Variants in CFL2 observed in about 807,000 individuals in gnomAD.
CFL2 encodes cofilin 2, also known as cofilin-2.
Under a neutral mutation model 19.6 loss-of-function variants are expected in CFL2, and 10 were observed. The observed-to-expected ratio is 0.51, with a 90% confidence interval of 0.31 to 0.86. The LOEUF is 0.86. Ranked by LOEUF, CFL2 falls within the 40% of genes least tolerant of loss-of-function variation. The pLI, the probability that CFL2 is intolerant of heterozygous loss-of-function variation, is 0.04. For missense variants in CFL2, 125 were observed against 192.1 expected (o/e 0.65, Z 2.06); for synonymous variants, 63 against 66.7 (o/e 0.95, Z 0.27).
At position 34,713,297 on chromosome 14, in the gene CFL2, C is replaced by T. The variant is rs879148457; in HGVS notation, c.268G>A (p.Glu90Lys). The T allele has an allele frequency of 6.2e-7, 1 of 1,613,186 alleles. No homozygotes were observed. The highest frequency in any genetic ancestry group is 8.5e-7 in the Non-Finnish European group (1 of 1,179,768). The change falls in exon 2 of 4, where the codon GAA becomes AAA. Residue 90 changes from glutamate (E) to lysine (K), a missense_variant. By Grantham distance (56) the Glu-to-Lys change is moderately conservative. Transcript: ENST00000298159. Reference protein sequence around the residue: ...CRYALYDATYETKESKKEDLV... With the variant: ...CRYALYDATYKTKESKKEDLV... ...TCTTCTTTCTTAGACTCTTTTGTTTCGTATGTGGCATCGTACAAAGCATAT... is the reference window on the plus strand; with the variant it reads ...TCTTCTTTCTTAGACTCTTTTGTTTTGTATGTGGCATCGTACAAAGCATAT...
rs780426319 is a variant in CFL2, at chr14:34,714,569, G to A, written c.-29C>T. The A allele has an allele frequency of 3.2e-6, 5 of 1,570,402 alleles. No individual in the cohort carries two copies. The highest frequency in any genetic ancestry group is 1.1e-5 in the South Asian group (1 of 87,378). On this transcript the variant is annotated 5_prime_UTR_variant, in exon 1 of 4. Coordinates refer to ENST00000298159, the MANE Select transcript of CFL2 (RefSeq NM_138638.5). ...GCCCTCGGCTGTGGCTGCGGCGGCA[G>A]CTCGGGCTTCGGCTCTGTGGCACTG...
Position 34,712,265 on chromosome 14 carries a change from G to A in CFL2, c.*600C>T, listed in dbSNP as rs1319912724. On this transcript the variant is annotated 3_prime_UTR_variant, in exon 4 of 4. Transcript: ENST00000298159. Reference sequence around the variant, plus strand: ...TTTTAAGAAGATATGCAGGTAACAGGAATGAACACTGAGGTACTAGGATAA... The same window carrying A: ...TTTTAAGAAGATATGCAGGTAACAGAAATGAACACTGAGGTACTAGGATAA... 2 of 454,406 alleles carry A rather than the reference G, an allele frequency of 4.4e-6. No individual in the cohort carries two copies. The highest frequency in any genetic ancestry group is 8.8e-6 in the Non-Finnish European group (2 of 226,782). The allele number at this position is 454,406 out of a possible 1,614,324, so 28.1% of individuals were successfully genotyped here.
chr14:34,714,325 C>A (rs1594785555), intron 1 of CFL2: 1 of 756,606 alleles, frequency 1.3e-6, no homozygotes, highest in Non-Finnish European at 1.9e-6. Flanking sequence ...CGCCGACGCC[C>A]GGGCCCTCCC....
chr14:34,713,167 A>G, intron 2 of CFL2, 31 bp from the exon 3 acceptor site: 1 of 1,576,496 alleles, frequency 6.3e-7, no homozygotes, highest in Non-Finnish European at 8.6e-7. Context: ...ATTGAATCCC[A>G]TTTATAAGAA....
intron 1 of CFL2, 171 bp downstream of exon 1, chr14:34,714,367 G>A: frequency 8.9e-7 from 1 of 1,128,624 alleles, no homozygotes; most frequent in Admixed American, 3.7e-5. Flanking sequence ...CAGCAGGGCA[G>A]GGCCTGACGG....
At chr14:34,714,452 G>T in intron 1 of CFL2, 86 bp downstream of exon 1, 1 of 1,500,964 alleles carries the variant, frequency 6.7e-7, no homozygotes, top group South Asian at 1.3e-5. Context: ...GCCAAAATCA[G>T]GTTAAAATGG....
rs1291210736 is a variant in CFL2 at position 34,710,478 on chromosome 14, A to C, written c.*2387T>G. 1 of 441,100 alleles carries C rather than the reference A, an allele frequency of 2.3e-6. No individual in the cohort carries two copies. The allele number at this position is 441,100 out of a possible 1,614,324, so 27.3% of individuals were successfully genotyped here. ...CATATATTTTATTTTTTAAACTCTC[A>C]TAACTTTGCAAGCTAGCAGTAAAAT... is the stretch of plus-strand genomic sequence containing the variant. On this transcript the variant is annotated 3_prime_UTR_variant, in exon 4 of 4. Transcript: ENST00000298159.
chr14:34,712,163 G>A lies in CFL2; in HGVS notation c.*702C>T, dbSNP rs1280451100. Reference sequence around the variant, plus strand: ...TCTTTAGTGTTGCAGGACTCACATGGTAAACATAAAACTCCTACACTTATT... The same window carrying A: ...TCTTTAGTGTTGCAGGACTCACATGATAAACATAAAACTCCTACACTTATT... On this transcript the variant is annotated 3_prime_UTR_variant, in exon 4 of 4. Transcript: ENST00000298159. The A allele has an allele frequency of 2.2e-6, 1 of 454,396 alleles. No individual in the cohort carries two copies. The highest frequency in any genetic ancestry group is 4.4e-6 in the Non-Finnish European group (1 of 226,768). 28.1% of individuals were successfully genotyped at this position (454,396 alleles called of 1,614,324 possible).
In CFL2 at chr14:34,711,136, GA is replaced by G; in HGVS notation, c.*1728del. The G allele has an allele frequency of 2.2e-6, 1 of 452,114 alleles. No individual in the cohort carries two copies. Among genetic ancestry groups the G allele is most frequent in the African/African-American group, 2.0e-5 (1 of 49,810 alleles). 28.0% of individuals were successfully genotyped at this position (452,114 alleles called of 1,614,324 possible). A position where few individuals can be genotyped will look rare whatever the true frequency, so the allele number is the denominator to read the frequency against. ...ATCTGAAAAATCTTTCAAAAATATG[GA>G]AAAAATCTAATTATACTAAAATTAC... On this transcript the variant is annotated 3_prime_UTR_variant, in exon 4 of 4. Coordinates refer to ENST00000298159, the MANE Select transcript of CFL2 (RefSeq NM_138638.5).
In CFL2 at chr14:34,713,442, G is replaced by C. The variant is rs759986387; in HGVS notation, c.123C>G (p.Ser41Arg). Residue 41 changes from serine to arginine, a missense_variant, in exon 2 of 4, where the codon AGC becomes AGG. Coordinates refer to ENST00000298159, the MANE Select transcript of CFL2 (RefSeq NM_138638.5). ...CTACAATTATTTGTCTTTTGTCATC[G>C]CTTAAACAGAAGAGAACTGCTTTCT... ...KRKKAVLFCL[S>R]DDKRQIIVEE... 1.2e-6 allele frequency: 2 copies of C among 1,613,640 alleles called. No individual in the cohort carries two copies. Among genetic ancestry groups the C allele is most frequent in the Non-Finnish European group, 1.7e-6 (2 of 1,179,878 alleles).
intron 1 of CFL2, chr14:34,714,235 G>T: frequency 2.4e-6 from 1 of 424,536 alleles, no homozygotes; most frequent in Non-Finnish European, 4.1e-6. Context: ...ATTAGGAAGC[G>T]AAGGGCAAAG....
At position 34,714,082 on chromosome 14, in the gene CFL2, C is replaced by T. The variant is rs1238091182; in HGVS notation, c.3+456G>A. ...AAAACTAACTGATCGAGTGTAAAAG[C>T]TTTTACGGCGAGAAAGCATTTTAAA... On this transcript the variant is annotated intron_variant, in intron 1 of 3. Transcript: ENST00000298159. 2.1e-5 allele frequency: 8 copies of T among 381,978 alleles called. No individual in the cohort carries two copies. The East Asian group carries it at 3.5e-4, about 17-fold the overall frequency. The allele number at this position is 381,978 out of a possible 1,614,324, so 23.7% of individuals were successfully genotyped here. A position where few individuals can be genotyped will look rare whatever the true frequency, so the allele number is the denominator to read the frequency against.
In CFL2 at chr14:34,711,238, G is replaced by A. The variant is rs1471100889; in HGVS notation, c.*1627C>T. Reference sequence around the variant, plus strand: ...TGCTAAAAGCATTCCTCTGAGCTATGGGGTTAAGTTCTGAGCCACGACTGA... The same window carrying A: ...TGCTAAAAGCATTCCTCTGAGCTATAGGGTTAAGTTCTGAGCCACGACTGA... On this transcript the variant is annotated 3_prime_UTR_variant, in exon 4 of 4. Transcript: ENST00000298159. The A allele has an allele frequency of 1.1e-5, 5 of 454,336 alleles. No homozygotes were observed. Among genetic ancestry groups the A allele is most frequent in the Admixed American group, 4.7e-5 (2 of 42,542 alleles). The allele number at this position is 454,336 out of a possible 1,614,324, so 28.1% of individuals were successfully genotyped here.
intron 1 of CFL2, 91 bp from the exon 2 acceptor site, chr14:34,713,652 G>GA: frequency 6.2e-7 from 1 of 1,613,712 alleles, no homozygotes; most frequent in Non-Finnish European, 8.5e-7. Flanking sequence ...CTTTAGTCTG[G>GA]ACATCAAAAA....
At position 34,713,456 on chromosome 14, in the gene CFL2, G is replaced by T; in HGVS notation, c.109C>A (p.Leu37Ile). ...CTTTTGTCATCGCTTAAACAGAAGAGAACTGCTTTCTTTCTCTTTTTGATC... is the reference window on the plus strand; with the variant it reads ...CTTTTGTCATCGCTTAAACAGAAGATAACTGCTTTCTTTCTCTTTTTGATC... ...EEIKKRKKAVLFCLSDDKRQI... is the reference protein window; with the variant it reads ...EEIKKRKKAVIFCLSDDKRQI... The change falls in exon 2 of 4, where the codon CTC becomes ATC. Residue 37 changes from leucine to isoleucine, a missense_variant. Leu to Ile is a conservative substitution (Grantham distance 5). Coordinates refer to ENST00000298159, the MANE Select transcript of CFL2 (RefSeq NM_138638.5). The T allele has an allele frequency of 1.2e-6, 2 of 1,613,966 alleles. No individual in the cohort carries two copies. Among genetic ancestry groups the T allele is most frequent in the Non-Finnish European group, 1.7e-6 (2 of 1,179,918 alleles).
chr14:34,714,346 A>T, intron 1 of CFL2, 192 bp downstream of exon 1: 1 of 967,466 alleles, frequency 1.0e-6, no homozygotes, highest in Admixed American at 4.2e-5. Flanking sequence ...CGCCCCCCAA[A>T]ATCCAAAGAG....
rs1310900249 is a variant in CFL2 at position 34,710,568 on chromosome 14, A to C, written c.*2297T>G. 9.3e-6 allele frequency: 4 copies of C among 432,022 alleles called. No individual in the cohort carries two copies. Among genetic ancestry groups the C allele is most frequent in the Non-Finnish European group, 1.8e-5 (4 of 217,972 alleles). 26.8% of individuals were successfully genotyped at this position (432,022 alleles called of 1,614,324 possible). ...TTAAAGCTAACTGGAACATTGATTC[A>C]TTATAAATGATTGTAAAATAAAATG... On this transcript the variant is annotated 3_prime_UTR_variant, in exon 4 of 4. Coordinates refer to ENST00000298159, the MANE Select transcript of CFL2 (RefSeq NM_138638.5).
rs1885382655 is a variant in CFL2 at position 34,713,368 on chromosome 14, T to G, written c.197A>C (p.Asp66Ala). 3 of 1,612,814 alleles carry G rather than the reference T, an allele frequency of 1.9e-6. No individual in the cohort carries two copies. The highest frequency in any genetic ancestry group is 2.5e-6 in the Non-Finnish European group (3 of 1,178,976). The change falls in exon 2 of 4, where the codon GAC (aspartate) becomes GCC (alanine). Residue 66 changes from aspartate (D) to alanine (A), a missense_variant. Transcript: ENST00000298159. ...CAACTTCACAAAAGATGTGTAGGGG[T>G]CCTCTACAGTATCACCAATGTCACC... is the stretch of plus-strand genomic sequence containing the variant. The part of the protein sequence containing the change: ...LVGDIGDTVE[D>A]PYTSFVKLLP...
In CFL2 at chr14:34,714,553, T is replaced by C; in HGVS notation, c.-13A>G. The C allele has an allele frequency of 6.3e-7, 1 of 1,586,010 alleles. No individual in the cohort carries two copies. The highest frequency in any genetic ancestry group is 8.5e-7 in the Non-Finnish European group (1 of 1,169,764). On this transcript the variant is annotated 5_prime_UTR_variant, in exon 1 of 4. Coordinates refer to ENST00000298159, the MANE Select transcript of CFL2 (RefSeq NM_138638.5). ...CTCGTCTTACCATAGTGCCCTCGGC[T>C]GTGGCTGCGGCGGCAGCTCGGGCTT...
Sources: gnomAD v4.1 joint callset for allele counts on GRCh38, gnomAD v4.1.1 for gene constraint, MANE v1.5 for transcripts, NCBI Gene and HGNC (gene_info 2026-07-23, HGNC 2026-07-21) for gene names.